The following DCT variants were observed in gnomAD, a reference collection of about 807,000 sequenced individuals.
DCT encodes the protein dopachrome tautomerase.
A neutral mutation model predicts 53.0 loss-of-function variants in DCT; 47 were observed. The ratio of observed to expected loss-of-function variants is 0.89; its 90% CI spans 0.70 to 1.13. The LOEUF (loss-of-function observed/expected upper bound fraction) is 1.13. Among genes scored for constraint, DCT ranks in the 50% most tolerant of loss-of-function variants. DCT has a pLI of 0.00. For synonymous variants in DCT, 244 were observed against 237.0 expected (o/e 1.03, Z -0.27); for missense variants, 669 against 637.4 (o/e 1.05, Z -0.53).
intron 6 of DCT, among the ~76,000 whole-genome samples, chr13:94,444,128 C>A (rs1439631051): frequency 6.6e-6 from 1 of 152,090 alleles, no homozygotes; most frequent in Non-Finnish European, 1.5e-5. Flanking sequence ...AAATTTAAAA[C>A]CTAAAATCCC....
chr13:94,530,131 T>C, the DCT span, among the ~76,000 whole-genome samples: 3 of 152,140 alleles, frequency 2.0e-5, no homozygotes, highest in Non-Finnish European at 2.9e-5. Flanking sequence ...GGTTCTGAAA[T>C]TGAGGCCATA....
chr13:94,445,765 T>C (rs774433019), intron 6 of DCT: 7 of 1,572,624 alleles, frequency 4.5e-6, no homozygotes, highest in Non-Finnish European at 6.1e-6. Flanking sequence ...CTCTTTTCTG[T>C]TGAGACACAA....
At chr13:94,500,376 C>T in the DCT span, among the ~76,000 whole-genome samples, 47 of 152,306 alleles carry the variant, frequency 3.1e-4, no homozygotes, top group Non-Finnish European at 2.5e-4. Flanking sequence ...CATCAAATCT[C>T]GTGAGACTTA....
chr13:94,495,093 T>A, the DCT span, among the ~76,000 whole-genome samples: 3 of 152,190 alleles, frequency 2.0e-5, no homozygotes, highest in Non-Finnish European at 4.4e-5. Context: ...ACTACATGCT[T>A]ATTTATATTT....
chr13:94,460,068 G>A, intron 6 of DCT, 23 bp downstream of exon 6: 1 of 1,606,524 alleles, frequency 6.2e-7, no homozygotes, highest in Non-Finnish European at 8.5e-7. Flanking sequence ...AAATTTTCAT[G>A]CATTCTGAAT....
At chr13:94,495,839 T>A in the DCT span, among the ~76,000 whole-genome samples, 1 of 152,186 alleles carries the variant, frequency 6.6e-6, no homozygotes, top group Non-Finnish European at 1.5e-5. Flanking sequence ...CTGTGAGGGT[T>A]TTCTTTTAAA....
the DCT span, among the ~76,000 whole-genome samples, chr13:94,504,986 A>G: frequency 1.3e-5 from 2 of 151,918 alleles, no homozygotes; most frequent in Non-Finnish European, 2.9e-5. Flanking sequence ...CGGAGACGGC[A>G]CTTCATTTGT....
In DCT at chr13:94,436,820, A is replaced by C. The variant is rs1881940920; in HGVS notation, c.*3078T>G. 6.6e-6 allele frequency: 1 copy of C among 152,224 alleles called. No individual in the cohort carries two copies. The highest frequency in any genetic ancestry group is 2.1e-4 in the South Asian group (1 of 4,832). The allele number at this position is 152,224 out of a possible 1,614,324, so 9.4% of individuals were successfully genotyped here. A position where few individuals can be genotyped will look rare whatever the true frequency, so the allele number is the denominator to read the frequency against. On this transcript the variant is annotated 3_prime_UTR_variant, in exon 8 of 8. Coordinates refer to ENST00000377028, the MANE Select transcript of DCT (RefSeq NM_001922.5). ...TCTGAATGAAACATTCTACTTTGAA[A>C]TTAGTTTATTCATTCACTTATTCAT...
chr13:94,468,323 C>A, intron 2 of DCT: 1 of 179,488 alleles, frequency 5.6e-6, no homozygotes, highest in Non-Finnish European at 1.2e-5. Context: ...TCTAATTCCG[C>A]ACAAAGAAGC....
upstream of DCT, among the ~76,000 whole-genome samples, chr13:94,484,275 C>T (rs970490829): frequency 5.3e-5 from 8 of 152,306 alleles, no homozygotes; most frequent in East Asian, 1.4e-3. Flanking sequence ...AAAGCAAGTC[C>T]GCGGGCAAGA....
intron 6 of DCT, among the ~76,000 whole-genome samples, chr13:94,446,312 T>C (rs1160786872): frequency 6.6e-6 from 1 of 152,166 alleles, no homozygotes; most frequent in Admixed American, 6.5e-5. Context: ...TCAGTACTAT[T>C]ATTATTTTAA....
intron 6 of DCT, among the ~76,000 whole-genome samples, chr13:94,449,350 A>G (rs576695180): frequency 1.3e-5 from 2 of 152,368 alleles, no homozygotes; most frequent in South Asian, 2.1e-4. Context: ...AGATGAAATA[A>G]GAAAAGTTTC....
chr13:94,496,965 T>G, the DCT span, among the ~76,000 whole-genome samples: 4 of 152,126 alleles, frequency 2.6e-5, no homozygotes, highest in African/African-American at 9.7e-5. Context: ...ACGTTAAGAG[T>G]TGAACTAAAT....
At chr13:94,461,316 G>T (rs1883772783) in intron 5 of DCT, among the ~76,000 whole-genome samples, 1 of 152,126 alleles carries the variant, frequency 6.6e-6, no homozygotes, top group African/African-American at 2.4e-5. Context: ...TGGTGATTTT[G>T]AGATGTGCTT....
At chr13:94,472,535 TATATATATATATATATATATATATA>T (rs1566854543) in intron 1 of DCT, among the ~76,000 whole-genome samples, 1 of 23,950 alleles carries the variant, frequency 4.2e-5, no homozygotes, top group Non-Finnish European at 7.2e-5. Context: ...TATATATATA[TATATATATATATATATATATATATA>T]TATATATATT....
Position 94,465,691 on chromosome 13 carries a change from C to G in DCT, c.805G>C (p.Asp269His). Residue 269 changes from aspartate to histidine, a missense_variant, in exon 4 of 8, where the codon GAT becomes CAT. Asp to His is a moderately conservative substitution (Grantham distance 81). Coordinates refer to ENST00000377028, the MANE Select transcript of DCT (RefSeq NM_001922.5). ...GAGTTCCGACTAATCAGAGTCGGATCGTCTGGTCTCGCTGCCCCAAACAGC... is the reference window on the plus strand; with the variant it reads ...GAGTTCCGACTAATCAGAGTCGGATGGTCTGGTCTCGCTGCCCCAAACAGC... ...DQLFGAARPDDPTLISRNSRF... is the reference protein window; with the variant it reads ...DQLFGAARPDHPTLISRNSRF... 6.2e-7 allele frequency: 1 copy of G among 1,613,470 alleles called. No individual in the cohort carries two copies. Among genetic ancestry groups the G allele is most frequent in the Non-Finnish European group, 8.5e-7 (1 of 1,179,892 alleles).
the DCT span, among the ~76,000 whole-genome samples, chr13:94,507,643 A>G: frequency 2.0e-5 from 3 of 151,686 alleles, no homozygotes; most frequent in Non-Finnish European, 1.5e-5. Context: ...TGGGACTATA[A>G]GCGCCCACCA....
chr13:94,452,811 T>TAA, intron 6 of DCT: 1 of 466,256 alleles, frequency 2.1e-6, no homozygotes, highest in Non-Finnish European at 3.7e-6. Context: ...TGGAATAAGT[T>TAA]AAAAAAAAAG....
chr13:94,462,393 A>G (rs531631635), intron 4 of DCT, among the ~76,000 whole-genome samples: 1 of 151,836 alleles, frequency 6.6e-6, no homozygotes, highest in Admixed American at 6.6e-5. Flanking sequence ...CCAGCTACTC[A>G]GGAGGCTAAG....
Sources: allele counts gnomAD v4.1 joint callset (sites outside exome capture counted in the v4.1 genomes callset), GRCh38; gene constraint gnomAD v4.1.1; transcripts MANE v1.5; gene names NCBI Gene and HGNC (gene_info 2026-07-23, HGNC 2026-07-21).